Variants in PAX3 observed in about 807,000 individuals in gnomAD.
The protein encoded by PAX3 is paired box protein Pax-3.
Under a neutral mutation model 51.6 loss-of-function variants are expected in PAX3, and 14 were observed. That is an observed-to-expected ratio of 0.27 (90% CI 0.18 to 0.42). PAX3 has a LOEUF of 0.42. Ranked by LOEUF, PAX3 falls within the 10% of genes least tolerant of loss-of-function variation. PAX3 has a pLI of 1.00. For synonymous variants in PAX3, 280 were observed against 253.4 expected, an observed-to-expected ratio of 1.11 and a Z score of -1.00; for missense variants, 540 against 642.8, an observed-to-expected ratio of 0.84 and a Z score of 1.73.
chr2:222,294,674 C>A (rs559463713), intron 3 of PAX3, among the ~76,000 whole-genome samples: 1 of 151,206 alleles, frequency 6.6e-6, no homozygotes, highest in Non-Finnish European at 1.5e-5. Flanking sequence ...ACCAGCCCAC[C>A]GGGTACCCTC....
chr2:222,208,040 G>A (rs1008440231), intron 7 of PAX3, among the ~76,000 whole-genome samples: 3 of 150,426 alleles, frequency 2.0e-5, no homozygotes, highest in Non-Finnish European at 4.4e-5. Context: ...TTTACTTCTA[G>A]CCAGTGATGA....
intron 7 of PAX3, among the ~76,000 whole-genome samples, chr2:222,208,497 G>C (rs1691599046): frequency 6.6e-6 from 1 of 152,100 alleles, no homozygotes; most frequent in Non-Finnish European, 1.5e-5. Context: ...TGCTCCTGAG[G>C]ATGTCAGGGC....
chr2:222,224,451 T>C (rs530509127), intron 5 of PAX3, among the ~76,000 whole-genome samples: 1 of 152,334 alleles, frequency 6.6e-6, no homozygotes, highest in Admixed American at 6.5e-5. Flanking sequence ...CTGCATTTCC[T>C]AGAACCAGCT....
Position 222,202,102 on chromosome 2 carries a change from G to A in PAX3, c.1262C>T (p.Pro421Leu). The A allele has an allele frequency of 6.2e-7, 1 of 1,613,954 alleles. No homozygotes were observed. Among genetic ancestry groups the A allele is most frequent in the Non-Finnish European group, 8.5e-7 (1 of 1,179,986 alleles). ...ALSPLTGGLEPTTTVSASCSQ... is the reference protein window; with the variant it reads ...ALSPLTGGLELTTTVSASCSQ... ...GCAGCTGGCCGACACCGTGGTGGTAGGTTCCAGACCCCCGGTGAGAGGGGA... is the reference window on the plus strand; with the variant it reads ...GCAGCTGGCCGACACCGTGGTGGTAAGTTCCAGACCCCCGGTGAGAGGGGA... The change falls in exon 8 of 9, where the codon CCT becomes CTT. Residue 421 changes from proline to leucine, a missense_variant. Around this residue, in one of 3 missense-constraint regions of PAX3, gnomAD observed 427 missense variants for 483.6 expected, o/e 0.88. Coordinates refer to ENST00000392070, the MANE Select transcript of PAX3 (RefSeq NM_181458.4).
chr2:222,257,648 T>G (rs1178120159), intron 4 of PAX3, among the ~76,000 whole-genome samples: 1 of 152,208 alleles, frequency 6.6e-6, no homozygotes, highest in African/African-American at 2.4e-5. Flanking sequence ...CATGTACCAG[T>G]CACTGTATGA....
chr2:222,294,404 G>C (rs1030370756), intron 3 of PAX3, 103 bp from the exon 4 acceptor site: 1 of 1,303,820 alleles, frequency 7.7e-7, no homozygotes, highest in East Asian at 2.4e-5. Flanking sequence ...CAGGGCCCTA[G>C]AGCCGCTGCC....
intron 7 of PAX3, among the ~76,000 whole-genome samples, chr2:222,209,089 AT>A (rs1267340715): frequency 6.6e-6 from 1 of 152,148 alleles, no homozygotes; most frequent in East Asian, 1.9e-4. Flanking sequence ...GTTGGTCTAT[AT>A]ATACTATATT....
intron 4 of PAX3, among the ~76,000 whole-genome samples, chr2:222,289,445 T>G (rs1201683686): frequency 6.6e-6 from 1 of 152,194 alleles, no homozygotes; most frequent in Non-Finnish European, 1.5e-5. Flanking sequence ...TCCACTCGCC[T>G]GAACCGCCGC....
At chr2:222,283,669 G>A (rs760772246) in intron 4 of PAX3, among the ~76,000 whole-genome samples, 6 of 152,216 alleles carry the variant, frequency 3.9e-5, no homozygotes, top group Non-Finnish European at 8.8e-5. Flanking sequence ...GGCCAGGACT[G>A]TCCAGAAGGA....
At chr2:222,251,887 G>A (rs1693448269) in intron 4 of PAX3, among the ~76,000 whole-genome samples, 1 of 152,076 alleles carries the variant, frequency 6.6e-6, no homozygotes, top group Admixed American at 6.6e-5. Flanking sequence ...TTCTGAGATT[G>A]CCTTGCTACA....
At chr2:222,221,549 A>G (rs1692192599) in intron 5 of PAX3, 162 bp from the exon 6 acceptor site, 1 of 696,872 alleles carries the variant, frequency 1.4e-6, no homozygotes, top group South Asian at 1.7e-5. Context: ...GTCAGGAGTA[A>G]AAGAAGAGTT....
chr2:222,268,989 G>A (rs1694155484), intron 4 of PAX3, among the ~76,000 whole-genome samples: 1 of 152,114 alleles, frequency 6.6e-6, no homozygotes, highest in Non-Finnish European at 1.5e-5. Context: ...TTTCTGGGCA[G>A]TAGGCAGAAA....
chr2:222,279,017 C>G (rs1445011624), intron 4 of PAX3, among the ~76,000 whole-genome samples: 1 of 152,182 alleles, frequency 6.6e-6, no homozygotes, highest in African/African-American at 2.4e-5. Flanking sequence ...GTGGTGCGAT[C>G]TTGGCTCACT....
chr2:222,206,830 T>A (rs1460044500), intron 7 of PAX3, among the ~76,000 whole-genome samples: 1 of 152,182 alleles, frequency 6.6e-6, no homozygotes, highest in East Asian at 1.9e-4. Context: ...CAGTTGAAAG[T>A]GCCTGAAGCT....
chr2:222,251,418 T>A (rs1440366232), intron 4 of PAX3, among the ~76,000 whole-genome samples: 2 of 152,208 alleles, frequency 1.3e-5, no homozygotes, highest in African/African-American at 4.8e-5. Flanking sequence ...TCCATGTCCC[T>A]ACAAAGGACA....
At chr2:222,251,091 T>TTTTA (rs61280457) in intron 4 of PAX3, among the ~76,000 whole-genome samples, 2,879 of 151,822 alleles carry the variant, frequency 0.019, 29 homozygotes, top group Middle Eastern at 0.092. Context: ...CACAATACAT[T>TTTTA]TTTATTTATT....
chr2:222,258,887 CT>C (rs1693743766), intron 4 of PAX3, among the ~76,000 whole-genome samples: 1 of 152,050 alleles, frequency 6.6e-6, no homozygotes, highest in Non-Finnish European at 1.5e-5. Context: ...GCTGAGATTT[CT>C]TTTTTTCCTG....
intron 4 of PAX3, 176 bp downstream of exon 4, chr2:222,293,991 G>T (rs142481857): frequency 1.3e-6 from 2 of 1,530,162 alleles, no homozygotes; most frequent in East Asian, 4.6e-5. Flanking sequence ...TGTTTGTTTT[G>T]ATTCCTAGTG....
intron 7 of PAX3, among the ~76,000 whole-genome samples, chr2:222,203,620 G>C (rs1025569670): frequency 1.3e-5 from 2 of 152,240 alleles, no homozygotes; most frequent in East Asian, 3.9e-4. Context: ...GTTCCAGTAA[G>C]GCAGGAATCT....
Sources: allele counts gnomAD v4.1 joint callset (sites outside exome capture counted in the v4.1 genomes callset), GRCh38; gene constraint gnomAD v4.1.1; regional missense constraint gnomAD v4.1.1; transcripts MANE v1.5; gene names NCBI Gene and HGNC (gene_info 2026-07-23, HGNC 2026-07-21).